The following PRSS54 variants were observed in gnomAD, a reference collection of about 807,000 sequenced individuals.
PRSS54 encodes the protein inactive serine protease 54.
A neutral mutation model predicts 19.9 loss-of-function variants in PRSS54; 16 were observed. That is an observed-to-expected ratio of 0.80 (90% CI 0.54 to 1.22). The LOEUF is 1.22. PRSS54 is among the 50% of genes most tolerant of loss of function. PRSS54 has a pLI of 0.00. For synonymous variants in PRSS54, 177 were observed against 195.8 expected (o/e 0.90, Z 0.80); for missense variants, 444 against 494.8 (o/e 0.90, Z 0.97).
In PRSS54 at chr16:58,289,920, A is replaced by G. The variant is rs941706239; in HGVS notation, c.263+1039T>C. 1.2e-4 allele frequency among the ~76,000 whole-genome samples: 18 copies of G among 152,128 alleles called. No individual in the cohort carries two copies. In the East Asian group the frequency reaches 3.5e-3, roughly 29 times the overall value. On this transcript the variant is annotated intron_variant, in intron 4 of 6. Transcript: ENST00000567164. ...AAAAATACAAATCCTATGTTAAACTATTCACCAGCTGCATAATATTCCATC... is the reference window on the plus strand; with the variant it reads ...AAAAATACAAATCCTATGTTAAACTGTTCACCAGCTGCATAATATTCCATC...
At chr16:58,290,345 T>TG (rs1321618148) in intron 4 of PRSS54, among the ~76,000 whole-genome samples, 12 of 152,210 alleles carry the variant, frequency 7.9e-5, no homozygotes, top group African/African-American at 2.9e-4. Flanking sequence ...TTCCCAAAAA[T>TG]GAAGTCACTG....
intron 4 of PRSS54, among the ~76,000 whole-genome samples, chr16:58,287,317 T>A (rs762492009): frequency 6.6e-6 from 1 of 152,144 alleles, no homozygotes; most frequent in Non-Finnish European, 1.5e-5. Context: ...TTGGGGTGCG[T>A]TTAATAAAGG....
rs751782725 is a variant in PRSS54 at position 58,290,940 on chromosome 16, C to T, written c.263+19G>A. Reference sequence around the variant, plus strand: ...TCACCCCCGGCGATGTTGCGGGCCCCAAAGGCAGGGGCACTGGCCTGTTCT... The same window carrying T: ...TCACCCCCGGCGATGTTGCGGGCCCTAAAGGCAGGGGCACTGGCCTGTTCT... On this transcript the variant is annotated intron_variant, in intron 4 of 6. Transcript: ENST00000567164. The T allele has an allele frequency of 3.2e-5, 52 of 1,612,446 alleles. No individual in the cohort carries two copies. Among genetic ancestry groups the T allele is most frequent in the Admixed American group, 2.8e-4 (17 of 59,920 alleles).
chr16:58,285,930 C>T lies in PRSS54; in HGVS notation c.522+7G>A, dbSNP rs147973221. On this transcript the variant is annotated splice_region_variant and intron_variant, in intron 5 of 6. Coordinates refer to ENST00000567164, the MANE Select transcript of PRSS54 (RefSeq NM_001305173.2). ...GCAGCCTTCTCTGGGAGGAGGAATG[C>T]CTTAACTGCAGATGTGGGATTCCAT... 5.9e-5 allele frequency: 95 copies of T among 1,613,790 alleles called. 1 individual carries two copies. The East Asian group carries it at 2.1e-3, about 36-fold the overall frequency.
intron 6 of PRSS54, chr16:58,281,454 C>A (rs1964734578): frequency 6.6e-6 from 1 of 152,394 alleles, no homozygotes; most frequent in South Asian, 2.1e-4. Context: ...CCTGATGTCG[C>A]TATAAAGGCC....
At chr16:58,282,628 C>T (rs1596896250) in intron 6 of PRSS54, 1 of 152,390 alleles carries the variant, frequency 6.6e-6, no homozygotes, top group East Asian at 1.9e-4. Context: ...TTGAGGACTT[C>T]ATTCTGTGCC....
Position 58,284,668 on chromosome 16 carries a change from A to G in PRSS54, c.576T>C (p.Leu192=). 1 of 1,614,140 alleles carries G rather than the reference A, an allele frequency of 6.2e-7. No homozygotes were observed. The highest frequency in any genetic ancestry group is 1.1e-5 in the South Asian group (1 of 91,080). The change falls in exon 6 of 7, where the codon CTT becomes CTC. Residue 192 remains leucine (L), a synonymous_variant. Coordinates refer to ENST00000567164, the MANE Select transcript of PRSS54 (RefSeq NM_001305173.2). The part of the protein sequence containing the change: ...SVLRKIFVKD[L]DMCPLYKLQK... ...GGAGTTTGTATAGGGGACACATGTC[A>G]AGATCTTTCACGAAGATTTTCCTCA...
Position 58,293,719 on chromosome 16 carries a change from G to A in PRSS54, c.85+13C>T. ...TGCAGCTAAAGTCAGAGGGAGGAAA[G>A]CAGCACACTCACTGGTGGAAGAATA... On this transcript the variant is annotated intron_variant, in intron 3 of 6. Transcript: ENST00000567164. 1 of 1,609,360 alleles carries A rather than the reference G, an allele frequency of 6.2e-7. No individual in the cohort carries two copies. The highest frequency in any genetic ancestry group is 1.3e-5 in the African/African-American group (1 of 74,948).
intron 6 of PRSS54, chr16:58,281,377 C>G (rs1402415935): frequency 6.4e-6 from 1 of 155,370 alleles, no homozygotes; most frequent in Admixed American, 6.2e-5. Context: ...ATGCCTGTAA[C>G]ACGTGCTGAG....
At chr16:58,293,337 A>C (rs1434654778) in intron 3 of PRSS54, among the ~76,000 whole-genome samples, 1 of 152,116 alleles carries the variant, frequency 6.6e-6, no homozygotes, top group Non-Finnish European at 1.5e-5. Context: ...TGCCTCCAAG[A>C]CACCTGCAGC....
intron 4 of PRSS54, among the ~76,000 whole-genome samples, chr16:58,290,174 A>G (rs983732634): frequency 1.3e-5 from 2 of 149,826 alleles, no homozygotes; most frequent in Non-Finnish European, 1.5e-5. Flanking sequence ...ATGTATATAT[A>G]TATTTATATG....
intron 6 of PRSS54, chr16:58,281,895 T>C (rs1964757330): frequency 6.6e-6 from 1 of 152,452 alleles, no homozygotes; most frequent in Non-Finnish European, 1.5e-5. Flanking sequence ...AAGGCTGGAG[T>C]GCAGTGGTGC....
chr16:58,288,986 C>T (rs1402078117), intron 4 of PRSS54, among the ~76,000 whole-genome samples: 1 of 152,096 alleles, frequency 6.6e-6, no homozygotes, highest in Non-Finnish European at 1.5e-5. Context: ...GGTTGAAGTT[C>T]TAACCCCCAA....
intron 4 of PRSS54, among the ~76,000 whole-genome samples, chr16:58,286,892 C>T (rs939654802): frequency 7.2e-5 from 11 of 151,774 alleles, no homozygotes; most frequent in East Asian, 1.9e-4. Context: ...AGCAAAGAAG[C>T]GAAAAGGAAA....
chr16:58,292,909 C>G (rs1429427704), intron 3 of PRSS54, among the ~76,000 whole-genome samples: 1 of 152,186 alleles, frequency 6.6e-6, no homozygotes, highest in Non-Finnish European at 1.5e-5. Context: ...GGCCCCTTAG[C>G]TGTGGCTTTT....
intron 6 of PRSS54, chr16:58,281,687 A>G (rs921635204): frequency 1.3e-5 from 2 of 152,232 alleles, no homozygotes; most frequent in African/African-American, 4.8e-5. Flanking sequence ...AGGCAATGAC[A>G]TGTTGCTCTC....
chr16:58,285,349 C>G (rs759098314), intron 5 of PRSS54: 13 of 158,048 alleles, frequency 8.2e-5, no homozygotes, highest in Middle Eastern at 3.4e-3. Context: ...ATCCCCTCAC[C>G]TCTCTGTACA....
At chr16:58,282,123 C>T (rs1289540367) in intron 6 of PRSS54, 1 of 152,262 alleles carries the variant, frequency 6.6e-6, no homozygotes, top group Non-Finnish European at 1.5e-5. Flanking sequence ...ATTCTCCTAC[C>T]TCAGCCTCCC....
Position 58,284,571 on chromosome 16 carries a change from T to G in PRSS54, c.654+19A>C. 5 of 1,613,600 alleles carry G rather than the reference T, an allele frequency of 3.1e-6. No individual in the cohort carries two copies. The highest frequency in any genetic ancestry group is 4.2e-6 in the Non-Finnish European group (5 of 1,179,712). ...AGGCTTACTCTCAACACTTAGCTTC[T>G]ACTCCATGATGTTCTTACCAAGCAG... On this transcript the variant is annotated intron_variant, in intron 6 of 6. Coordinates refer to ENST00000567164, the MANE Select transcript of PRSS54 (RefSeq NM_001305173.2).
Sources: gnomAD v4.1 joint callset for allele counts (sites outside exome capture counted in the v4.1 genomes callset) on GRCh38, gnomAD v4.1.1 for gene constraint, MANE v1.5 for transcripts, NCBI Gene and HGNC (gene_info 2026-07-23, HGNC 2026-07-21) for gene names.